Variants in NAALADL2 observed in about 807,000 individuals in gnomAD.
NAALADL2 encodes the protein inactive N-acetylated-alpha-linked acidic dipeptidase-like protein 2.
NAALADL2 carries 76 observed loss-of-function variants against 87.2 expected under a neutral mutation model. That is an observed-to-expected ratio of 0.87 (90% CI 0.72 to 1.05). The LOEUF (loss-of-function observed/expected upper bound fraction) is 1.05. NAALADL2 is among the 50% of genes least tolerant of loss of function. NAALADL2 has a pLI of 0.00. For missense variants in NAALADL2, 1,089 were observed against 945.8 expected (o/e 1.15, Z -1.99); for synonymous variants, 354 against 331.0 (o/e 1.07, Z -0.75).
At chr3:175,272,929 C>T (rs1753061650) in intron 4 of NAALADL2, among the ~76,000 whole-genome samples, 1 of 151,732 alleles carries the variant, frequency 6.6e-6, no homozygotes, top group South Asian at 2.1e-4. Flanking sequence ...ATAATTATGG[C>T]AATATAGCAA....
At chr3:175,190,352 T>G (rs978372633) in intron 2 of NAALADL2, among the ~76,000 whole-genome samples, 9 of 151,944 alleles carry the variant, frequency 5.9e-5, no homozygotes, top group African/African-American at 1.7e-4. Flanking sequence ...CTTACACAAC[T>G]GAATATCAGA....
At chr3:174,846,812 T>G (rs3914502) in intron 3 of NAALADL2, among the ~76,000 whole-genome samples, 1 of 151,916 alleles carries the variant, frequency 6.6e-6, no homozygotes. Flanking sequence ...TGTGGGGCCA[T>G]TGAACGTATG....
At chr3:175,410,826 A>C (rs928330074) in intron 5 of NAALADL2, among the ~76,000 whole-genome samples, 1 of 152,178 alleles carries the variant, frequency 6.6e-6, no homozygotes, top group Non-Finnish European at 1.5e-5. Context: ...GGCATAGGTT[A>C]CGATGCTGTG....
chr3:175,662,743 G>A (rs1412152016), intron 11 of NAALADL2, among the ~76,000 whole-genome samples: 2 of 151,906 alleles, frequency 1.3e-5, no homozygotes, highest in Non-Finnish European at 2.9e-5. Context: ...AGCATCTATT[G>A]AAATAATCAT....
intron 1 of NAALADL2, among the ~76,000 whole-genome samples, chr3:174,972,735 C>G (rs2108614113): frequency 6.6e-6 from 1 of 152,200 alleles, no homozygotes; most frequent in Middle Eastern, 3.4e-3. Context: ...GTGTCTCACA[C>G]CTGTTATCCC....
At chr3:175,721,824 G>C (rs1742276963) in intron 11 of NAALADL2, among the ~76,000 whole-genome samples, 1 of 152,170 alleles carries the variant, frequency 6.6e-6, no homozygotes, top group Non-Finnish European at 1.5e-5. Flanking sequence ...GAGTGCCTTA[G>C]AGAAGGACCG....
At chr3:174,463,701 C>T (rs1217459544) in intron 1 of NAALADL2, among the ~76,000 whole-genome samples, 5 of 150,184 alleles carry the variant, frequency 3.3e-5, no homozygotes, top group Admixed American at 6.7e-5. Flanking sequence ...CCCGAGTTCA[C>T]GCCATTCTCC....
intron 2 of NAALADL2, among the ~76,000 whole-genome samples, chr3:174,616,227 A>G (rs1305406880): frequency 1.3e-5 from 2 of 151,838 alleles, no homozygotes; most frequent in Non-Finnish European, 2.9e-5. Flanking sequence ...GAAATATAAA[A>G]TGATAATTAA....
intron 3 of NAALADL2, among the ~76,000 whole-genome samples, chr3:174,756,759 T>C (rs559036676): frequency 6.6e-6 from 1 of 152,312 alleles, no homozygotes; most frequent in African/African-American, 2.4e-5. Context: ...TTGCTCTGAT[T>C]CCTGATCTCG....
chr3:175,720,778 TA>T (rs1742130043), intron 11 of NAALADL2, among the ~76,000 whole-genome samples: 1 of 152,062 alleles, frequency 6.6e-6, no homozygotes, highest in Non-Finnish European at 1.5e-5. Flanking sequence ...TTCAAAATGT[TA>T]AAGAAAAATA....
At position 175,735,828 on chromosome 3, in the gene NAALADL2, T is replaced by A. The variant is rs147350629; in HGVS notation, c.1897-1478T>A. Among the ~76,000 whole-genome samples the A allele has an allele frequency of 4.6e-5, 7 of 152,324 alleles. No homozygotes were observed. In the South Asian group the frequency reaches 1.4e-3, roughly 32 times the overall value. ...TCAAATATTAAATGGAATTTGCACC[T>A]TGTTGAATATATATATTTGGATATA... On this transcript the variant is annotated intron_variant, in intron 11 of 13. Coordinates refer to ENST00000454872, the MANE Select transcript of NAALADL2 (RefSeq NM_207015.3).
chr3:175,088,149 T>C (rs73037294), intron 1 of NAALADL2, among the ~76,000 whole-genome samples: 347 of 152,308 alleles, frequency 2.3e-3, no homozygotes, highest in African/African-American at 7.9e-3. Context: ...CGTATAATGG[T>C]AGTATTTTGG....
At chr3:175,344,780 A>G (rs1477617020) in intron 5 of NAALADL2, among the ~76,000 whole-genome samples, 1 of 152,162 alleles carries the variant, frequency 6.6e-6, no homozygotes, top group Non-Finnish European at 1.5e-5. Flanking sequence ...TTAATTTTTT[A>G]TCATTTGATG....
rs1755057669 is a variant in NAALADL2, at chr3:175,810,106, T to G, written c.*6903T>G. On this transcript the variant is annotated 3_prime_UTR_variant, in exon 14 of 14. Coordinates refer to ENST00000454872, the MANE Select transcript of NAALADL2 (RefSeq NM_207015.3). ...GAGATTTCATTGTCATTGTCGTTGTTGTTAACTGATTTTTAATGATATTGA... is the reference window on the plus strand; with the variant it reads ...GAGATTTCATTGTCATTGTCGTTGTGGTTAACTGATTTTTAATGATATTGA... 1 of 152,008 alleles carries G rather than the reference T, an allele frequency of 6.6e-6. No homozygotes were observed. Among genetic ancestry groups the G allele is most frequent in the South Asian group, 2.1e-4 (1 of 4,832 alleles). 9.4% of individuals were successfully genotyped at this position (152,008 alleles called of 1,614,324 possible). A position where few individuals can be genotyped will look rare whatever the true frequency, so the allele number is the denominator to read the frequency against.
chr3:174,970,091 A>G (rs1743417870), intron 1 of NAALADL2, among the ~76,000 whole-genome samples: 1 of 152,148 alleles, frequency 6.6e-6, no homozygotes, highest in Admixed American at 6.5e-5. Context: ...TTAATGGTTA[A>G]TTCTAGTGAC....
intron 2 of NAALADL2, among the ~76,000 whole-genome samples, chr3:174,725,962 G>A (rs2108966135): frequency 6.6e-6 from 1 of 152,182 alleles, no homozygotes; most frequent in Admixed American, 6.5e-5. Flanking sequence ...TATTCCTCAT[G>A]GATTATCTAC....
chr3:175,810,013 T>C lies in NAALADL2; in HGVS notation c.*6810T>C, dbSNP rs1560045588. ...CCAATTACTAAATTATGTTGAACTG[T>C]TGTGGTGTTTAGCCTTGTTCAAAAT... On this transcript the variant is annotated 3_prime_UTR_variant, in exon 14 of 14. Transcript: ENST00000454872. The C allele has an allele frequency of 6.6e-6, 1 of 152,024 alleles. No individual in the cohort carries two copies. The allele number at this position is 152,024 out of a possible 1,614,324, so 9.4% of individuals were successfully genotyped here.
intron 9 of NAALADL2, among the ~76,000 whole-genome samples, chr3:175,575,550 G>T (rs1419976151): frequency 1.3e-5 from 2 of 152,058 alleles, no homozygotes; most frequent in African/African-American, 2.4e-5. Context: ...CTCCCAAAGT[G>T]CTGGGATTAC....
intron 5 of NAALADL2, among the ~76,000 whole-genome samples, chr3:175,412,148 A>T (rs1234112583): frequency 3.9e-5 from 6 of 152,174 alleles, no homozygotes; most frequent in Non-Finnish European, 7.4e-5. Context: ...TAATCAACGT[A>T]TTTTTATTCT....
Sources: gnomAD v4.1 joint callset for allele counts (sites outside exome capture counted in the v4.1 genomes callset) on GRCh38, gnomAD v4.1.1 for gene constraint, MANE v1.5 for transcripts, NCBI Gene and HGNC (gene_info 2026-07-23, HGNC 2026-07-21) for gene names.